NDST4: variants seen among roughly 807,000 people sequenced by gnomAD.
The protein encoded by NDST4 is N-heparan sulfate sulfotransferase 4.
In NDST4, 63 loss-of-function variants were observed where a neutral mutation model predicts 100.8. The observed-to-expected ratio is 0.62, with a 90% CI of 0.51 to 0.77. The LOEUF is 0.77. NDST4 is among the 30% of genes least tolerant of loss of function. The pLI, the probability that NDST4 is intolerant of heterozygous loss-of-function variation, is 0.00. For synonymous variants in NDST4, 377 were observed against 361.8 expected, an observed-to-expected ratio of 1.04 and a Z score of -0.48; for missense variants, 943 against 1,018.4, an observed-to-expected ratio of 0.93 and a Z score of 1.01.
intron 2 of NDST4, among the ~76,000 whole-genome samples, chr4:115,049,468 T>TAC (rs892490145): frequency 3.9e-5 from 6 of 152,120 alleles, no homozygotes; most frequent in Admixed American, 3.3e-4. Context: ...GGTAGACCCC[T>TAC]ACACTAGGAT....
At chr4:114,839,639 G>T in intron 10 of NDST4, 91 bp from the exon 11 acceptor site, 1 of 1,103,250 alleles carries the variant, frequency 9.1e-7, no homozygotes, top group South Asian at 1.6e-5. Context: ...GCATGTGTGT[G>T]TTTGGTGTGT....
intron 3 of NDST4, among the ~76,000 whole-genome samples, chr4:114,975,659 A>G (rs1726616467): frequency 6.6e-6 from 1 of 152,152 alleles, no homozygotes; most frequent in Admixed American, 6.6e-5. Flanking sequence ...GTAAATAAAA[A>G]CTGAGGCAGT....
At chr4:114,981,469 C>T (rs6830803) in intron 2 of NDST4, among the ~76,000 whole-genome samples, 5,007 of 152,170 alleles carry the variant, frequency 0.033, 284 homozygotes, top group African/African-American at 0.11. Flanking sequence ...TCATCATATA[C>T]TCCAGCTGGT....
intron 7 of NDST4, among the ~76,000 whole-genome samples, chr4:114,865,597 T>C (rs1321352929): frequency 6.6e-6 from 1 of 152,252 alleles, no homozygotes; most frequent in Non-Finnish European, 1.5e-5. Context: ...CCTTTTTCAT[T>C]ATTATACTTG....
chr4:115,084,708 G>C (rs1729373484), intron 1 of NDST4, among the ~76,000 whole-genome samples: 1 of 152,156 alleles, frequency 6.6e-6, no homozygotes, highest in South Asian at 2.1e-4. Flanking sequence ...TGTGGTGTTG[G>C]GCCTGTTGGC....
intron 6 of NDST4, among the ~76,000 whole-genome samples, chr4:114,918,748 C>G (rs1332092611): frequency 6.6e-6 from 1 of 151,978 alleles, no homozygotes; most frequent in Non-Finnish European, 1.5e-5. Flanking sequence ...TTTGACCAAT[C>G]AGAAATGAAC....
At chr4:115,023,407 CCCGGGA>C (rs1252038925) in intron 2 of NDST4, among the ~76,000 whole-genome samples, 3 of 150,930 alleles carry the variant, frequency 2.0e-5, no homozygotes, top group African/African-American at 4.9e-5. Flanking sequence ...ATCACTTGAA[CCCGGGA>C]AGCAGAGGTT....
At position 115,112,227 on chromosome 4, in the gene NDST4, T is replaced by C. The variant is rs142522093; in HGVS notation, c.-247+1217A>G. On this transcript the variant is annotated intron_variant, in intron 1 of 13. Transcript: ENST00000264363. ...AAAAAAAAAAAAAACCTTTACATCG[T>C]TGTGGGAAAATTCATTGCTTCCTAG... 4.0e-5 allele frequency among the ~76,000 whole-genome samples: 6 copies of C among 151,444 alleles called. No individual in the cohort carries two copies. The East Asian group carries it at 1.2e-3, about 30-fold the overall frequency.
At chr4:115,056,152 C>T (rs1239301851) in intron 2 of NDST4, among the ~76,000 whole-genome samples, 2 of 152,010 alleles carry the variant, frequency 1.3e-5, no homozygotes, top group Non-Finnish European at 2.9e-5. Flanking sequence ...AGGAGTTCAA[C>T]ACCAGCCTGG....
intron 11 of NDST4, among the ~76,000 whole-genome samples, chr4:114,834,904 T>A (rs1723278084): frequency 6.6e-6 from 1 of 152,228 alleles, no homozygotes; most frequent in Non-Finnish European, 1.5e-5. Flanking sequence ...CATAGAGGTG[T>A]TTATAGTATT....
rs1395582578 is a variant in NDST4, at chr4:114,937,373, T to C, written c.1352A>G (p.Tyr451Cys). 6.2e-7 allele frequency: 1 copy of C among 1,614,152 alleles called. No individual in the cohort carries two copies. The highest frequency in any genetic ancestry group is 1.7e-5 in the Admixed American group (1 of 60,018). Residue 451 changes from tyrosine (Y) to cysteine (C), a missense_variant, in exon 5 of 14, where the codon TAT becomes TGT. Transcript: ENST00000264363. ...WGIQVTSTEE[Y>C]PHLKPARYRK... ...GTACCGGGCAGGTTTCAGATGTGGA[T>C]ATTCTTCAGTGCTGGTGACTTGAAT...
chr4:115,048,241 G>T (rs1476203621), intron 2 of NDST4, among the ~76,000 whole-genome samples: 2 of 151,864 alleles, frequency 1.3e-5, no homozygotes, highest in African/African-American at 4.8e-5. Flanking sequence ...CCAGTTAAAA[G>T]AACTGAAAAA....
At chr4:115,033,158 T>TATATA (rs1491196854) in intron 2 of NDST4, among the ~76,000 whole-genome samples, 4 of 48,584 alleles carry the variant, frequency 8.2e-5, no homozygotes, top group South Asian at 5.6e-4. Context: ...TATATATATA[T>TATATA]TTTTTTTTTT....
At chr4:114,999,870 T>C (rs535500547) in intron 2 of NDST4, among the ~76,000 whole-genome samples, 2 of 151,996 alleles carry the variant, frequency 1.3e-5, no homozygotes, top group Non-Finnish European at 2.9e-5. Flanking sequence ...GTAATTGATA[T>C]GTCTGGAAGG....
At chr4:114,966,113 C>A (rs1726375999) in intron 4 of NDST4, among the ~76,000 whole-genome samples, 1 of 152,016 alleles carries the variant, frequency 6.6e-6, no homozygotes, top group Non-Finnish European at 1.5e-5. Flanking sequence ...GTTGACTATG[C>A]TTGTCATTAG....
intron 12 of NDST4, 144 bp downstream of exon 12, chr4:114,833,462 G>A (rs2126180529): frequency 3.3e-6 from 2 of 610,272 alleles, no homozygotes; most frequent in East Asian, 6.2e-5. Context: ...CTACATGATT[G>A]ATGAGGATAT....
At chr4:115,070,092 C>T (rs1420832145) in intron 2 of NDST4, among the ~76,000 whole-genome samples, 1 of 152,072 alleles carries the variant, frequency 6.6e-6, no homozygotes, top group Non-Finnish European at 1.5e-5. Context: ...AAGGAATATA[C>T]ATCATTTTAT....
chr4:114,868,064 A>G (rs1336900176), intron 7 of NDST4, among the ~76,000 whole-genome samples: 1 of 152,220 alleles, frequency 6.6e-6, no homozygotes, highest in African/African-American at 2.4e-5. Flanking sequence ...TGTGAATATT[A>G]TCATTTTTCA....
intron 2 of NDST4, among the ~76,000 whole-genome samples, chr4:115,022,129 TACGTTCCACGTCTATGC>T (rs1727846467): frequency 1.7e-5 from 2 of 116,176 alleles, no homozygotes; most frequent in Non-Finnish European, 3.3e-5. Context: ...CATATATATA[TACGTTCCACGTCTATGC>T]ACGTTCCATA....
Sources: gnomAD v4.1 joint callset for allele counts (sites outside exome capture counted in the v4.1 genomes callset) on GRCh38, gnomAD v4.1.1 for gene constraint, MANE v1.5 for transcripts, NCBI Gene and HGNC (gene_info 2026-07-23, HGNC 2026-07-21) for gene names.